The following SOX5 variants were observed in gnomAD, a reference collection of about 807,000 sequenced individuals.
SOX5 encodes transcription factor SOX-5.
Under a neutral mutation model 92.0 loss-of-function variants are expected in SOX5, and 9 were observed. The ratio of observed to expected loss-of-function variants is 0.10; its 90% CI spans 0.06 to 0.17. The LOEUF is 0.17. Among genes scored for constraint, SOX5 ranks in the 10% least tolerant of loss-of-function variants. The probability of loss-of-function intolerance (pLI) is 1.00; values close to 1 mark genes in which losing one functional copy is unlikely to be tolerated. For synonymous variants in SOX5, 344 were observed against 336.3 expected, an observed-to-expected ratio of 1.02 and a Z score of -0.25; for missense variants, 642 against 944.5, an observed-to-expected ratio of 0.68 and a Z score of 4.20.
At chr12:24,164,518 G>A (rs889193567) in intron 4 of SOX5, among the ~76,000 whole-genome samples, 4 of 151,956 alleles carry the variant, frequency 2.6e-5, no homozygotes, top group African/African-American at 7.2e-5. Flanking sequence ...TCAGTTAAAG[G>A]AAAAAATTGT....
At chr12:23,549,487 C>T (rs1369044776) in intron 11 of SOX5, among the ~76,000 whole-genome samples, 1 of 151,942 alleles carries the variant, frequency 6.6e-6, no homozygotes, top group East Asian at 1.9e-4. Flanking sequence ...AAATCCAGCA[C>T]AGCACTTAGG....
At chr12:24,352,600 A>T (rs1288246306) in intron 2 of SOX5, among the ~76,000 whole-genome samples, 1 of 152,214 alleles carries the variant, frequency 6.6e-6, no homozygotes, top group Non-Finnish European at 1.5e-5. Flanking sequence ...TATTTTACTC[A>T]GGCACTGATT....
intron 8 of SOX5, among the ~76,000 whole-genome samples, chr12:23,614,456 C>T (rs552624710): frequency 6.6e-6 from 1 of 152,194 alleles, no homozygotes; most frequent in African/African-American, 2.4e-5. Context: ...CTTAGCGTAA[C>T]ATTTTTGAAC....
At chr12:24,307,511 A>C (rs867431656) in intron 2 of SOX5, among the ~76,000 whole-genome samples, 431 of 27,792 alleles carry the variant, frequency 0.016, 67 homozygotes, top group African/African-American at 0.031. Context: ...GGAAGGAAGG[A>C]AGGAAGGCCG....
rs775866581 is a variant in SOX5, at chr12:24,475,896, C to T, written c.-251+86433G>A. Among the ~76,000 whole-genome samples, 10 of 151,904 alleles carry T rather than the reference C, an allele frequency of 6.6e-5. No homozygotes were observed. The East Asian group carries it at 1.4e-3, about 21-fold the overall frequency. On this transcript the variant is annotated intron_variant, in intron 1 of 4. Coordinates refer to the SOX5 transcript ENST00000446891. The stretch of plus-strand genomic sequence containing the variant: ...ATACAAGAAGCTGAGGCGGGAAGAT[C>T]GCTTGAGCCCAGGAGGTCAAGGCTG...
In SOX5 at chr12:24,393,083, A is replaced by G. The variant is rs1016113727; in HGVS notation, c.-250-24444T>C. ...GGGCATAAGTATTTTTTTCTTTTCTATCTCAACCACCACTCTCCCAATTAT... is the reference window on the plus strand; with the variant it reads ...GGGCATAAGTATTTTTTTCTTTTCTGTCTCAACCACCACTCTCCCAATTAT... On this transcript the variant is annotated intron_variant, in intron 1 of 4. Transcript: ENST00000446891. This position sits in a 1 kb window ranked among gnomAD's most constrained non-coding sequence, Gnocchi z 5.0. 3.3e-5 allele frequency among the ~76,000 whole-genome samples: 5 copies of G among 152,118 alleles called. No homozygotes were observed. The highest frequency in any genetic ancestry group is 7.4e-5 in the Non-Finnish European group (5 of 68,008).
At chr12:24,456,252 C>T (rs1206397314) in intron 1 of SOX5, among the ~76,000 whole-genome samples, 1 of 152,154 alleles carries the variant, frequency 6.6e-6, no homozygotes, top group African/African-American at 2.4e-5. Context: ...AGTCCCAGGA[C>T]CAGAGCCTCT....
chr12:24,179,722 T>C (rs1025196179), intron 4 of SOX5, among the ~76,000 whole-genome samples: 1 of 152,140 alleles, frequency 6.6e-6, no homozygotes, highest in African/African-American at 2.4e-5. Context: ...TCTGAGCACA[T>C]TTAAGGTAGG....
chr12:24,544,655 T>TA (rs1333264365), intron 1 of SOX5, among the ~76,000 whole-genome samples: 3 of 152,136 alleles, frequency 2.0e-5, no homozygotes, highest in African/African-American at 4.8e-5. Flanking sequence ...CTCCATGATT[T>TA]AAAAAAATAT....
intron 1 of SOX5, among the ~76,000 whole-genome samples, chr12:24,411,384 C>G (rs951105116): frequency 3.9e-5 from 6 of 152,090 alleles, no homozygotes; most frequent in Admixed American, 2.6e-4. Context: ...ATCCCTTGAC[C>G]TTGTTCCTGA....
At chr12:23,968,695 C>T (rs545717372) in intron 4 of SOX5, among the ~76,000 whole-genome samples, 22 of 152,316 alleles carry the variant, frequency 1.4e-4, no homozygotes, top group African/African-American at 5.3e-4. Context: ...TATTCTGTTA[C>T]AGCAGCACAA....
intron 3 of SOX5, among the ~76,000 whole-genome samples, chr12:24,220,049 T>C (rs899966465): frequency 1.3e-5 from 2 of 152,104 alleles, no homozygotes; most frequent in African/African-American, 2.4e-5. Context: ...AGCTTTTTTT[T>C]CCTGCCTATT....
rs147538366 is a variant in SOX5 at position 24,476,948 on chromosome 12, A to G, written c.-251+85381T>C. Among the ~76,000 whole-genome samples, 4 of 139,998 alleles carry G rather than the reference A, an allele frequency of 2.9e-5. No homozygotes were observed. In the East Asian group the frequency reaches 9.6e-4, roughly 34 times the overall value. 91.8% of individuals were successfully genotyped at this position (139,998 alleles called of 152,430 possible). ...GAGACCAAGGAGGGAGGACCGTTTG[A>G]GGCCAGGAGTTCAAGACCAGCCCAG... On this transcript the variant is annotated intron_variant, in intron 1 of 4. Transcript: ENST00000446891.
At chr12:24,155,579 T>C (rs1952084636) in intron 4 of SOX5, among the ~76,000 whole-genome samples, 1 of 152,152 alleles carries the variant, frequency 6.6e-6, no homozygotes, top group Admixed American at 6.6e-5. Flanking sequence ...GTGGCCTTCC[T>C]GCAGAAAAAC....
chr12:24,076,418 A>T (rs1043251075), intron 4 of SOX5, among the ~76,000 whole-genome samples: 1 of 152,156 alleles, frequency 6.6e-6, no homozygotes, highest in Non-Finnish European at 1.5e-5. Context: ...GACCAAAAAA[A>T]TCCACACAGT....
intron 9 of SOX5, among the ~76,000 whole-genome samples, chr12:23,600,998 C>T (rs1157907634): frequency 6.6e-6 from 1 of 152,068 alleles, no homozygotes; most frequent in African/African-American, 2.4e-5. Context: ...TCTTTTATTA[C>T]AACTGAACTC....
At chr12:23,792,622 C>CAAAAAAAAAAAAAAAAAAA (rs749845598) in intron 3 of SOX5, among the ~76,000 whole-genome samples, 2 of 38,964 alleles carry the variant, frequency 5.1e-5, no homozygotes, top group African/African-American at 1.6e-4. Flanking sequence ...GGCTCTGTCT[C>CAAAAAAAAAAAAAAAAAAA]AAAAAAAAAA....
chr12:24,112,583 T>C (rs1462646123), intron 4 of SOX5, among the ~76,000 whole-genome samples: 1 of 135,478 alleles, frequency 7.4e-6, no homozygotes, highest in African/African-American at 2.7e-5. Context: ...CAGGCTAGAA[T>C]GCAGTGGCAT....
intron 1 of SOX5, among the ~76,000 whole-genome samples, chr12:23,898,183 G>C (rs1185680412): frequency 2.6e-5 from 4 of 152,166 alleles, no homozygotes; most frequent in African/African-American, 9.6e-5. Context: ...TAAGGTCTTT[G>C]TGAAGTGATT....
Sources: gnomAD v4.1 joint callset for allele counts (sites outside exome capture counted in the v4.1 genomes callset) on GRCh38, gnomAD v4.1.1 for gene constraint, Gnocchi (gnomAD v3.1) non-coding constraint, MANE v1.5 for transcripts, NCBI Gene and HGNC (gene_info 2026-07-23, HGNC 2026-07-21) for gene names.